Variants in CHST2 observed in about 807,000 individuals in gnomAD.
CHST2 encodes the protein carbohydrate sulfotransferase 2, also known as N-acetylglucosamine 6-O-sulfotransferase 1.
A neutral mutation model predicts 34.6 loss-of-function variants in CHST2; 23 were observed. The observed-to-expected ratio is 0.67, with a 90% CI of 0.48 to 0.94. The LOEUF is 0.94. Among genes scored for constraint, CHST2 ranks in the 40% least tolerant of loss-of-function variants. CHST2 has a pLI of 0.00. For missense variants in CHST2, 720 were observed against 759.5 expected, an observed-to-expected ratio of 0.95 and a Z score of 0.61; for synonymous variants, 392 against 343.1, an observed-to-expected ratio of 1.14 and a Z score of -1.58.
rs1440084869 is a variant in CHST2, at chr3:143,121,904, C to T, written c.1088C>T (p.Ala363Val). The T allele has an allele frequency of 6.3e-6, 10 of 1,577,432 alleles. No homozygotes were observed. The highest frequency in any genetic ancestry group is 1.4e-5 in the African/African-American group (1 of 73,948). ...LQVVRSRDPR[A>V]HRMPFLEAAG... is the part of the protein sequence containing the mutation. ...GTGGTGCGCAGCCGAGACCCGCGAG[C>T]TCACCGCATGCCCTTCTTGGAGGCC... is the stretch of plus-strand genomic sequence containing the variant. Residue 363 changes from alanine (A) to valine (V), a missense_variant, in exon 2 of 2, where the codon GCT (alanine) becomes GTT (valine). Ala to Val is a moderately conservative substitution (Grantham distance 64). Transcript: ENST00000309575.
chr3:143,121,056 G>A lies in CHST2; in HGVS notation c.240G>A (p.Lys80=). The change falls in exon 2 of 2, where the codon AAG becomes AAA. Residue 80 remains lysine (K), a synonymous_variant. Coordinates refer to ENST00000309575, the MANE Select transcript of CHST2 (RefSeq NM_004267.5). ...ACCTCCTGGACTACAAGTGGCACAA[G>A]GAGCCGCTGCAGCAGTGCAACCCCG... ...MLNLLDYKWH[K]EPLQQCNPDG... The A allele has an allele frequency of 2.0e-6, 3 of 1,522,964 alleles. No homozygotes were observed. The highest frequency in any genetic ancestry group is 2.6e-6 in the Non-Finnish European group (3 of 1,136,656). 94.3% of individuals were successfully genotyped at this position (1,522,964 alleles called of 1,614,324 possible). A position where few individuals can be genotyped will look rare whatever the true frequency, so the allele number is the denominator to read the frequency against.
At position 143,121,389 on chromosome 3, in the gene CHST2, C is replaced by T; in HGVS notation, c.573C>T (p.Phe191=). The change falls in exon 2 of 2, where the codon TTC becomes TTT. Residue 191 remains phenylalanine, a synonymous_variant. Transcript: ENST00000309575. The part of the protein sequence containing the change: ...GELFNQNPEV[F]FLYEPVWHVW... ...TATTCAACCAGAATCCCGAGGTGTT[C>T]TTTCTCTACGAGCCAGTGTGGCATG... The T allele has an allele frequency of 6.2e-7, 1 of 1,613,758 alleles. No homozygotes were observed. The highest frequency in any genetic ancestry group is 8.5e-7 in the Non-Finnish European group (1 of 1,180,028).
Position 143,121,431 on chromosome 3 carries a change from TC to T in CHST2, c.617del (p.Pro206ArgfsTer15). ...PVWHVWQKLY[P>X]GDAVSLQGAA... Reference sequence around the variant, plus strand: ...TGTGGCATGTATGGCAAAAACTGTATCCGGGGGACGCCGTTTCCCTGCAGGG... The same window carrying T: ...TGTGGCATGTATGGCAAAAACTGTATCGGGGGACGCCGTTTCCCTGCAGGG... On this transcript the variant is annotated frameshift_variant, in exon 2 of 2. Transcript: ENST00000309575. LOFTEE classifies it high-confidence loss of function. 3 of 1,613,818 alleles carry T rather than the reference TC, an allele frequency of 1.9e-6. No homozygotes were observed. The highest frequency in any genetic ancestry group is 2.5e-6 in the Non-Finnish European group (3 of 1,180,004).
chr3:143,120,872 A>T lies in CHST2; in HGVS notation c.56A>T (p.Gln19Leu). The change falls in exon 2 of 2, where the codon CAG becomes CTG. Residue 19 changes from glutamine (Q) to leucine (L), a missense_variant. Around this residue, in one of 4 missense-constraint regions of CHST2, gnomAD observed 287 missense variants for 242.7 expected, o/e 1.18. Transcript: ENST00000309575. This position sits in a 1 kb window ranked among gnomAD's most constrained non-coding sequence, Gnocchi z 4.1. ...CCGGGCGCGCTCCCTCGGCTGCTCC[A>T]GGCTGCGCCTGCAGCCGCGCCGCGT... ...LPPGALPRLLQAAPAAAPRAL... is the reference protein window; with the variant it reads ...LPPGALPRLLLAAPAAAPRAL... 7.0e-7 allele frequency: 1 copy of T among 1,432,572 alleles called. No individual in the cohort carries two copies. Among genetic ancestry groups the T allele is most frequent in the South Asian group, 1.4e-5 (1 of 69,108 alleles). 88.7% of individuals were successfully genotyped at this position (1,432,572 alleles called of 1,614,324 possible).
Position 143,120,650 on chromosome 3 carries a change from C to T in CHST2, c.-167C>T. On this transcript the variant is annotated 5_prime_UTR_variant, in exon 2 of 2. Transcript: ENST00000309575. The surrounding 1 kb of genome is among the most constrained non-coding windows in gnomAD (Gnocchi z 4.1). ...ACTCCGCTTCCCCTCGCAGGTCCTA[C>T]CCGGAGCCGCTGCCATGGGAGAGCC... is the stretch of plus-strand genomic sequence containing the variant. The T allele has an allele frequency of 2.0e-6, 1 of 504,688 alleles. No individual in the cohort carries two copies. 31.3% of individuals were successfully genotyped at this position (504,688 alleles called of 1,614,324 possible).
rs767867384 is a variant in CHST2, at chr3:143,122,202, G to T, written c.1386G>T (p.Ser462=). The T allele has an allele frequency of 6.2e-7, 1 of 1,612,860 alleles. No homozygotes were observed. Among genetic ancestry groups the T allele is most frequent in the Admixed American group, 1.7e-5 (1 of 59,956 alleles). The part of the protein sequence containing the change: ...EQFALNMTSG[S]GSSSKPFVVS... The stretch of plus-strand genomic sequence containing the variant: ...TTGCCCTGAACATGACCAGTGGCTC[G>T]GGCTCCTCCTCCAAGCCTTTCGTGG... The change falls in exon 2 of 2, where the codon TCG becomes TCT. Residue 462 remains serine, a synonymous_variant. Coordinates refer to ENST00000309575, the MANE Select transcript of CHST2 (RefSeq NM_004267.5).
rs780123880 is a variant in CHST2 at position 143,121,384 on chromosome 3, G to T, written c.568G>T (p.Val190Leu). The T allele has an allele frequency of 6.2e-7, 1 of 1,613,754 alleles. No individual in the cohort carries two copies. The highest frequency in any genetic ancestry group is 8.5e-7 in the Non-Finnish European group (1 of 1,180,024). The change falls in exon 2 of 2, where the codon GTG becomes TTG. Residue 190 changes from valine (V) to leucine (L), a missense_variant. Transcript: ENST00000309575. ...FGELFNQNPE[V>L]FFLYEPVWHV... ...CGAGCTATTCAACCAGAATCCCGAG[G>T]TGTTCTTTCTCTACGAGCCAGTGTG... is the stretch of plus-strand genomic sequence containing the variant.
At position 143,122,372 on chromosome 3, in the gene CHST2, A is replaced by G. The variant is rs1415596933; in HGVS notation, c.1556A>G (p.Asp519Gly). The change falls in exon 2 of 2, where the codon GAC becomes GGC. Residue 519 changes from aspartate (D) to glycine (G), a missense_variant. Asp to Gly is a moderately conservative substitution (Grantham distance 94). Coordinates refer to ENST00000309575, the MANE Select transcript of CHST2 (RefSeq NM_004267.5). ...ERVNSPEEVK[D>G]LSKTLLRKPR... ...GTCAACAGCCCTGAGGAGGTCAAAG[A>G]CCTCAGCAAGACCCTGCTTCGGAAG... 1 of 1,610,572 alleles carries G rather than the reference A, an allele frequency of 6.2e-7. No individual in the cohort carries two copies.
chr3:143,121,165 C>G lies in CHST2; in HGVS notation c.349C>G (p.His117Asp), dbSNP rs750947077. ...GPPPAGPPRAHARLDLRTPYR... is the reference protein window; with the variant it reads ...GPPPAGPPRADARLDLRTPYR... ...GCCTCCGGCCGGGCCGCCCCGTGCT[C>G]ATGCCCGTTTGGACCTCCGCACTCC... The change falls in exon 2 of 2, where the codon CAT becomes GAT. Residue 117 changes from histidine to aspartate, a missense_variant. By Grantham distance (81) the His-to-Asp change is moderately conservative. Coordinates refer to ENST00000309575, the MANE Select transcript of CHST2 (RefSeq NM_004267.5). 6.7e-7 allele frequency: 1 copy of G among 1,497,494 alleles called. No individual in the cohort carries two copies. Among genetic ancestry groups the G allele is most frequent in the Non-Finnish European group, 8.8e-7 (1 of 1,133,132 alleles). 92.8% of individuals were successfully genotyped at this position (1,497,494 alleles called of 1,614,324 possible). A position where few individuals can be genotyped will look rare whatever the true frequency, so the allele number is the denominator to read the frequency against.
At position 143,122,910 on chromosome 3, in the gene CHST2, TA is replaced by T. The variant is rs1397822561; in HGVS notation, c.*506del. 1.8e-5 allele frequency: 3 copies of T among 167,468 alleles called. No individual in the cohort carries two copies. In the East Asian group the frequency reaches 5.8e-4, roughly 32 times the overall value. 10.4% of individuals were successfully genotyped at this position (167,468 alleles called of 1,614,324 possible). The stretch of plus-strand genomic sequence containing the variant: ...CATTCTTCTAAAGCAGACTTTTGTG[TA>T]AAAAGCAAAGGTTACATGTGAGTAT... On this transcript the variant is annotated 3_prime_UTR_variant, in exon 2 of 2. Coordinates refer to ENST00000309575, the MANE Select transcript of CHST2 (RefSeq NM_004267.5).
Position 143,123,443 on chromosome 3 carries a change from G to A in CHST2, c.*1034G>A, listed in dbSNP as rs1458079169. 6.6e-6 allele frequency: 1 copy of A among 152,206 alleles called. No individual in the cohort carries two copies. Among genetic ancestry groups the A allele is most frequent in the Non-Finnish European group, 1.5e-5 (1 of 68,038 alleles). 9.4% of individuals were successfully genotyped at this position (152,206 alleles called of 1,614,324 possible). A position where few individuals can be genotyped will look rare whatever the true frequency, so the allele number is the denominator to read the frequency against. ...AGAACACAGACCTCAGGAAAGTAGC[G>A]TGAACATACTGCTGGCGATGGTAGC... On this transcript the variant is annotated 3_prime_UTR_variant, in exon 2 of 2. Coordinates refer to ENST00000309575, the MANE Select transcript of CHST2 (RefSeq NM_004267.5).
rs1936261115 is a variant in CHST2 at position 143,123,618 on chromosome 3, A to C, written c.*1209A>C. ...TTCTTACTTGCTTCCCATTTAAATC[A>C]GTGCAAGAGAGAATATGAATTTATA... On this transcript the variant is annotated 3_prime_UTR_variant, in exon 2 of 2. Transcript: ENST00000309575. 6.6e-6 allele frequency: 1 copy of C among 152,226 alleles called. No individual in the cohort carries two copies. Among genetic ancestry groups the C allele is most frequent in the African/African-American group, 2.4e-5 (1 of 41,474 alleles). The allele number at this position is 152,226 out of a possible 1,614,324, so 9.4% of individuals were successfully genotyped here.
rs1936230381 is a variant in CHST2 at position 143,121,948 on chromosome 3, G to A, written c.1132G>A (p.Ala378Thr). The change falls in exon 2 of 2, where the codon GCC (alanine) becomes ACC (threonine). Residue 378 changes from alanine to threonine, a missense_variant. By Grantham distance (58) the Ala-to-Thr change is moderately conservative. Transcript: ENST00000309575. Reference sequence around the variant, plus strand: ...GGAGGCCGCGGGCCACAAGCTTGGCGCCAAGAAGGAGGGCGTGGGCGGCCC... The same window carrying A: ...GGAGGCCGCGGGCCACAAGCTTGGCACCAAGAAGGAGGGCGTGGGCGGCCC... Reference protein sequence around the residue: ...FLEAAGHKLGAKKEGVGGPAD... With the variant: ...FLEAAGHKLGTKKEGVGGPAD... The A allele has an allele frequency of 1.3e-6, 2 of 1,580,678 alleles. No individual in the cohort carries two copies. Among genetic ancestry groups the A allele is most frequent in the East Asian group, 2.2e-5 (1 of 44,520 alleles).
In CHST2 at chr3:143,123,439, T is replaced by A. The variant is rs373931224; in HGVS notation, c.*1030T>A. The A allele has an allele frequency of 1.3e-5, 2 of 152,208 alleles. No individual in the cohort carries two copies. Among genetic ancestry groups the A allele is most frequent in the African/African-American group, 2.4e-5 (1 of 41,472 alleles). 9.4% of individuals were successfully genotyped at this position (152,208 alleles called of 1,614,324 possible). On this transcript the variant is annotated 3_prime_UTR_variant, in exon 2 of 2. Transcript: ENST00000309575. ...GATTAGAACACAGACCTCAGGAAAG[T>A]AGCGTGAACATACTGCTGGCGATGG...
In CHST2 at chr3:143,122,162, C is replaced by T; in HGVS notation, c.1346C>T (p.Pro449Leu). The change falls in exon 2 of 2, where the codon CCC (proline) becomes CTC (leucine). Residue 449 changes from proline to leucine, a missense_variant. Pro to Leu is a moderately conservative substitution (Grantham distance 98). Around this residue, in one of 4 missense-constraint regions of CHST2, gnomAD observed 224 missense variants for 227.8 expected, o/e 0.98. Coordinates refer to ENST00000309575, the MANE Select transcript of CHST2 (RefSeq NM_004267.5). Reference sequence around the variant, plus strand: ...GATTTTGTGGGACTGTTGGTGAGCCCCGAAATGGAGCAGTTTGCCCTGAAC... The same window carrying T: ...GATTTTGTGGGACTGTTGGTGAGCCTCGAAATGGAGCAGTTTGCCCTGAAC... Reference protein sequence around the residue: ...VYDFVGLLVSPEMEQFALNMT... With the variant: ...VYDFVGLLVSLEMEQFALNMT... 6.2e-7 allele frequency: 1 copy of T among 1,614,156 alleles called. No homozygotes were observed. Among genetic ancestry groups the T allele is most frequent in the Non-Finnish European group, 8.5e-7 (1 of 1,180,012 alleles).
chr3:143,121,240 G>C lies in CHST2; in HGVS notation c.424G>C (p.Gly142Arg), dbSNP rs773315635. Residue 142 changes from glycine to arginine, a missense_variant, in exon 2 of 2, where the codon GGG becomes CGG. This residue lies in a region of CHST2 where 287 missense variants were observed against 242.7 expected (regional missense o/e 1.18). Coordinates refer to ENST00000309575, the MANE Select transcript of CHST2 (RefSeq NM_004267.5). ...CGGGGCGGCTCCTGCAGCCGCGGCA[G>C]GGATGGCGGGGGTTGCGGCCCCTCC... ...AVGAAPAAAA[G>R]MAGVAAPPGN... 2 of 1,580,814 alleles carry C rather than the reference G, an allele frequency of 1.3e-6. No individual in the cohort carries two copies. The highest frequency in any genetic ancestry group is 4.5e-5 in the East Asian group (2 of 44,114).
rs1185953757 is a variant in CHST2 at position 143,121,618 on chromosome 3, C to T, written c.802C>T (p.Arg268Cys). 6.3e-7 allele frequency: 1 copy of T among 1,588,914 alleles called. No homozygotes were observed. Among genetic ancestry groups the T allele is most frequent in the Non-Finnish European group, 8.6e-7 (1 of 1,164,476 alleles). ...VCSSPLCPAY[R>C]KEVVGLVDDR... ...CTCGTCACCACTCTGCCCCGCCTAC[C>T]GCAAGGAGGTCGTGGGGTTGGTGGA... Residue 268 changes from arginine to cysteine, a missense_variant, in exon 2 of 2, where the codon CGC becomes TGC. This residue lies in a region of CHST2 where 166 missense variants were observed against 211.4 expected (regional missense o/e 0.79). Coordinates refer to ENST00000309575, the MANE Select transcript of CHST2 (RefSeq NM_004267.5).
In CHST2 at chr3:143,122,356, C is replaced by T. The variant is rs779062913; in HGVS notation, c.1540C>T (p.Pro514Ser). ...AVLGYERVNS[P>S]EEVKDLSKTL... The stretch of plus-strand genomic sequence containing the variant: ...CCTGGGCTATGAGCGGGTCAACAGC[C>T]CTGAGGAGGTCAAAGACCTCAGCAA... Residue 514 changes from proline to serine, a missense_variant, in exon 2 of 2, where the codon CCT (proline) becomes TCT (serine). This residue lies in a region of CHST2 where 224 missense variants were observed against 227.8 expected (regional missense o/e 0.98). Transcript: ENST00000309575. 1.2e-6 allele frequency: 2 copies of T among 1,613,062 alleles called. No homozygotes were observed. The highest frequency in any genetic ancestry group is 1.1e-5 in the South Asian group (1 of 91,008).
In CHST2 at chr3:143,121,800, C is replaced by A. The variant is rs1489087652; in HGVS notation, c.984C>A (p.Ile328=). 2 of 1,606,446 alleles carry A rather than the reference C, an allele frequency of 1.2e-6. No homozygotes were observed. Among genetic ancestry groups the A allele is most frequent in the Non-Finnish European group, 1.7e-6 (2 of 1,176,182 alleles). The change falls in exon 2 of 2, where the codon ATC becomes ATA. Residue 328 remains isoleucine, a synonymous_variant. Transcript: ENST00000309575. ...ACCCGGCCCTGGACCTCAAGGTCAT[C>A]CACTTGGTGCGTGATCCCCGCGCGG... The part of the protein sequence containing the change: ...LRDPALDLKV[I]HLVRDPRAVA...
Sources: gnomAD v4.1 joint callset for allele counts on GRCh38, gnomAD v4.1.1 for gene constraint, gnomAD v4.1.1 regional missense constraint, Gnocchi (gnomAD v3.1) non-coding constraint, MANE v1.5 for transcripts, NCBI Gene and HGNC (gene_info 2026-07-23, HGNC 2026-07-21) for gene names.